Variants in PANK1 observed in about 807,000 individuals in gnomAD.
PANK1 encodes the protein pantothenic acid kinase 1.
A neutral mutation model predicts 40.1 loss-of-function variants in PANK1; 18 were observed. The ratio of observed to expected loss-of-function variants is 0.45; its 90% CI spans 0.31 to 0.67. The LOEUF (loss-of-function observed/expected upper bound fraction) is 0.67, where lower values mean the gene tolerates loss of function less well. PANK1 is among the 30% of genes least tolerant of loss of function. PANK1 has a pLI of 0.06. For synonymous variants in PANK1, 242 were observed against 237.7 expected, an observed-to-expected ratio of 1.02 and a Z score of -0.17; for missense variants, 457 against 599.6, an observed-to-expected ratio of 0.76 and a Z score of 2.48.
chr10:89,605,472 G>C (rs1474295778), intron 2 of PANK1, among the ~76,000 whole-genome samples: 2 of 152,292 alleles, frequency 1.3e-5, no homozygotes, highest in East Asian at 1.9e-4. Flanking sequence ...TCACCAGAAG[G>C]AGATTCCATC....
At chr10:89,595,897 T>TATATAC (rs1491326860) in intron 3 of PANK1, among the ~76,000 whole-genome samples, 4 of 137,190 alleles carry the variant, frequency 2.9e-5, no homozygotes, top group African/African-American at 1.1e-4. Context: ...AATATATATA[T>TATATAC]GTACACACAC....
At chr10:89,642,327 A>G (rs566793705) in intron 1 of PANK1, among the ~76,000 whole-genome samples, 25 of 152,256 alleles carry the variant, frequency 1.6e-4, no homozygotes, top group Non-Finnish European at 3.1e-4. Context: ...AAACACACCT[A>G]TCCACACATG....
At chr10:89,601,642 G>C (rs1029504128) in intron 2 of PANK1, among the ~76,000 whole-genome samples, 7 of 152,146 alleles carry the variant, frequency 4.6e-5, no homozygotes, top group Non-Finnish European at 8.8e-5. Flanking sequence ...AGTTAGAATA[G>C]GTTACCAACC....
intron 5 of PANK1, among the ~76,000 whole-genome samples, chr10:89,589,440 G>A (rs1392332685): frequency 3.9e-5 from 6 of 151,990 alleles, no homozygotes; most frequent in Non-Finnish European, 4.4e-5. Context: ...TTCAAATCCC[G>A]TAAGCTTCTA....
intron 1 of PANK1, among the ~76,000 whole-genome samples, chr10:89,613,772 C>T (rs1042864486): frequency 1.3e-5 from 2 of 152,192 alleles, no homozygotes; most frequent in African/African-American, 4.8e-5. Flanking sequence ...TGATTCAGAT[C>T]ACAGATGAAG....
At chr10:89,623,610 C>G (rs2133983794) in intron 1 of PANK1, among the ~76,000 whole-genome samples, 1 of 151,940 alleles carries the variant, frequency 6.6e-6, no homozygotes, top group South Asian at 2.1e-4. Flanking sequence ...TGTAATGATG[C>G]AAAAGAAAAT....
chr10:89,589,956 A>G (rs1300830504), intron 5 of PANK1, among the ~76,000 whole-genome samples: 1 of 151,608 alleles, frequency 6.6e-6, no homozygotes, highest in African/African-American at 2.4e-5. Context: ...GAAAGTCAGA[A>G]GGAGTAGAAG....
intron 1 of PANK1, among the ~76,000 whole-genome samples, chr10:89,639,619 T>C (rs1841915989): frequency 6.6e-6 from 1 of 152,192 alleles, no homozygotes; most frequent in South Asian, 2.1e-4. Flanking sequence ...AATGCGGACC[T>C]GAATCCAGGC....
chr10:89,585,672 AG>A (rs1844176790), intron 6 of PANK1, among the ~76,000 whole-genome samples: 1 of 152,238 alleles, frequency 6.6e-6, no homozygotes, highest in African/African-American at 2.4e-5. Context: ...TCATTGTCTA[AG>A]ATCTCACAGT....
In PANK1 at chr10:89,611,820, C is replaced by T. The variant is rs761752621; in HGVS notation, c.521G>A (p.Arg174His). 21 of 1,614,076 alleles carry T rather than the reference C, an allele frequency of 1.3e-5. No individual in the cohort carries two copies. The East Asian group carries it at 1.3e-4, about 10-fold the overall frequency. ...CCTGTGCATAGCACAGCTGGGAAAG[C>T]GGATGAAGTGCAGGTTCCCTTTGCG... ...CGRKGNLHFI[R>H]FPSCAMHRFI... The change falls in exon 2 of 7, where the codon CGC (arginine) becomes CAC (histidine). Residue 174 changes from arginine to histidine, a missense_variant. By Grantham distance (29) the Arg-to-His change is conservative. This residue lies in a region of PANK1 where 286 missense variants were observed against 415.8 expected (regional missense o/e 0.69). Coordinates refer to ENST00000307534, the MANE Select transcript of PANK1 (RefSeq NM_148977.3).
At chr10:89,607,604 T>C (rs368337993) in intron 2 of PANK1, among the ~76,000 whole-genome samples, 3 of 152,248 alleles carry the variant, frequency 2.0e-5, no homozygotes, top group African/African-American at 7.2e-5. Flanking sequence ...GGTATGCCTG[T>C]ATTGCAATGA....
At chr10:89,639,059 C>A (rs955324375) in intron 1 of PANK1, 6 of 271,082 alleles carry the variant, frequency 2.2e-5, no homozygotes, top group African/African-American at 1.3e-4. Context: ...TTTCTCAGTA[C>A]CAGTTTTCTG....
At chr10:89,629,626 T>C (rs1841573614) in intron 1 of PANK1, among the ~76,000 whole-genome samples, 1 of 152,180 alleles carries the variant, frequency 6.6e-6, no homozygotes, top group Admixed American at 6.5e-5. Context: ...TCACATCACA[T>C]CTAATGTAAA....
intron 3 of PANK1, among the ~76,000 whole-genome samples, chr10:89,595,376 A>G (rs1374010201): frequency 6.6e-6 from 1 of 152,132 alleles, no homozygotes; most frequent in African/African-American, 2.4e-5. Context: ...GCTTGAACCC[A>G]GGAGGTGGAG....
chr10:89,598,120 C>T (rs1466402197), intron 3 of PANK1, among the ~76,000 whole-genome samples: 1 of 152,132 alleles, frequency 6.6e-6, no homozygotes, highest in African/African-American at 2.4e-5. Context: ...CACCCCTGAC[C>T]TCTACCCACT....
At chr10:89,628,621 T>C (rs913055157) in intron 1 of PANK1, among the ~76,000 whole-genome samples, 1 of 152,206 alleles carries the variant, frequency 6.6e-6, no homozygotes, top group African/African-American at 2.4e-5. Context: ...ATGAATACAC[T>C]AAAAACCATA....
chr10:89,616,866 A>C (rs1307750904), intron 1 of PANK1, among the ~76,000 whole-genome samples: 1 of 152,048 alleles, frequency 6.6e-6, no homozygotes, highest in African/African-American at 2.4e-5. Context: ...GGTTGCAGTG[A>C]GCCGAGATCA....
At chr10:89,612,987 T>G (rs988018610) in intron 1 of PANK1, among the ~76,000 whole-genome samples, 8 of 152,210 alleles carry the variant, frequency 5.3e-5, no homozygotes, top group Admixed American at 3.3e-4. Context: ...GAAAGTATAC[T>G]TAATGTGCTT....
intron 6 of PANK1, 50 bp from the exon 7 acceptor site, chr10:89,584,515 A>G (rs1461215084): frequency 1.7e-6 from 2 of 1,185,566 alleles, no homozygotes; most frequent in Non-Finnish European, 1.3e-6. Flanking sequence ...CCAAATATGT[A>G]TTGTTTTTAA....
Sources: gnomAD v4.1 joint callset for allele counts (sites outside exome capture counted in the v4.1 genomes callset) on GRCh38, gnomAD v4.1.1 for gene constraint, gnomAD v4.1.1 regional missense constraint, MANE v1.5 for transcripts, NCBI Gene and HGNC (gene_info 2026-07-23, HGNC 2026-07-21) for gene names.